The following TMEM132C variants were observed in gnomAD, a reference collection of about 807,000 sequenced individuals.
TMEM132C encodes protein phosphatase 1, regulatory subunit 152.
TMEM132C carries 29 observed loss-of-function variants against 61.4 expected under a neutral mutation model. The observed-to-expected ratio is 0.47, with a 90% confidence interval of 0.35 to 0.64. The LOEUF (loss-of-function observed/expected upper bound fraction) is 0.64, where lower values mean the gene tolerates loss of function less well. Among genes scored for constraint, TMEM132C ranks in the 30% least tolerant of loss-of-function variants. TMEM132C has a pLI of 0.00. For missense variants in TMEM132C, 1,408 were observed against 1,476.9 expected, an observed-to-expected ratio of 0.95 and a Z score of 0.76; for synonymous variants, 656 against 633.1, an observed-to-expected ratio of 1.04 and a Z score of -0.54.
Position 128,267,372 on chromosome 12 carries a change from C to CGGCG in TMEM132C, c.-27_-24dup. Reference sequence around the variant, plus strand: ...GGGCGGGCGCTGCGCTTCGGGCTGGCGGCGGGCTGCGTGAGCGGCCGGGAC... The same window carrying CGGCG: ...GGGCGGGCGCTGCGCTTCGGGCTGGCGGCGGGCGGGCTGCGTGAGCGGCCGGGAC... On this transcript the variant is annotated 5_prime_UTR_variant, in exon 1 of 9. It removes the in-frame stop codon of an upstream open reading frame in the 5' UTR. Coordinates refer to ENST00000435159, the MANE Select transcript of TMEM132C (RefSeq NM_001136103.3). The CGGCG allele has an allele frequency of 9.4e-7, 1 of 1,061,292 alleles. No individual in the cohort carries two copies. The highest frequency in any genetic ancestry group is 1.1e-6 in the Non-Finnish European group (1 of 880,088). 65.7% of individuals were successfully genotyped at this position (1,061,292 alleles called of 1,614,324 possible).
At position 128,705,162 on chromosome 12, in the gene TMEM132C, G is replaced by C; in HGVS notation, c.2194G>C (p.Asp732His). 6.4e-7 allele frequency: 1 copy of C among 1,551,616 alleles called. No homozygotes were observed. Among genetic ancestry groups the C allele is most frequent in the Non-Finnish European group, 8.7e-7 (1 of 1,146,980 alleles). ...GCCCCTGGACATCTACGACACCAAG[G>C]ACTTCTCCCTGGCAGCCACCTCCCA... ...VTPLDIYDTKDFSLAATSQDE... is the reference protein window; with the variant it reads ...VTPLDIYDTKHFSLAATSQDE... Residue 732 changes from aspartate (D) to histidine (H), a missense_variant, in exon 9 of 9, where the codon GAC becomes CAC. Asp to His is a moderately conservative substitution (Grantham distance 81, BLOSUM62 -1). Transcript: ENST00000435159.
chr12:128,510,896 T>C (rs1872544937), intron 2 of TMEM132C, among the ~76,000 whole-genome samples: 1 of 152,226 alleles, frequency 6.6e-6, no homozygotes, highest in African/African-American at 2.4e-5. Flanking sequence ...AGACTGGAGA[T>C]GGCCTGCAAT....
At chr12:128,689,642 T>A (rs1178625090) in intron 5 of TMEM132C, among the ~76,000 whole-genome samples, 1 of 152,076 alleles carries the variant, frequency 6.6e-6, no homozygotes, top group Non-Finnish European at 1.5e-5. Context: ...AGTGGAGACG[T>A]GGAAGAAGCA....
At chr12:128,397,537 A>C (rs957357094) in intron 1 of TMEM132C, among the ~76,000 whole-genome samples, 7 of 152,240 alleles carry the variant, frequency 4.6e-5, no homozygotes, top group East Asian at 1.9e-4. Flanking sequence ...GCAGAGCAAA[A>C]GTGGGTCTGC....
intron 3 of TMEM132C, among the ~76,000 whole-genome samples, chr12:128,589,287 G>T (rs1169270110): frequency 6.6e-6 from 1 of 152,136 alleles, no homozygotes; most frequent in Non-Finnish European, 1.5e-5. Flanking sequence ...CCAGCATGCA[G>T]CCCTGCAAGG....
intron 2 of TMEM132C, among the ~76,000 whole-genome samples, chr12:128,439,600 G>A (rs978156135): frequency 6.6e-6 from 1 of 152,164 alleles, no homozygotes; most frequent in Non-Finnish European, 1.5e-5. Flanking sequence ...GAAAATTTGT[G>A]AAGAAGAACC....
chr12:128,345,988 T>C (rs991511998), intron 1 of TMEM132C, among the ~76,000 whole-genome samples: 5 of 152,208 alleles, frequency 3.3e-5, no homozygotes, highest in Non-Finnish European at 7.3e-5. Flanking sequence ...TGGTATTGCC[T>C]AGGTTGTCTT....
intron 1 of TMEM132C, among the ~76,000 whole-genome samples, chr12:128,316,965 C>A (rs1366911799): frequency 6.6e-6 from 1 of 152,148 alleles, no homozygotes; most frequent in Non-Finnish European, 1.5e-5. Flanking sequence ...ATCCATGTGA[C>A]CTCAATTTTT....
intron 3 of TMEM132C, among the ~76,000 whole-genome samples, chr12:128,577,994 G>A (rs1875181654): frequency 6.6e-6 from 1 of 152,198 alleles, no homozygotes; most frequent in Non-Finnish European, 1.5e-5. Flanking sequence ...AGTTTGTCTT[G>A]TATATTCAAA....
At chr12:128,534,057 G>A (rs1287440830) in intron 2 of TMEM132C, among the ~76,000 whole-genome samples, 1 of 152,122 alleles carries the variant, frequency 6.6e-6, no homozygotes, top group Non-Finnish European at 1.5e-5. Flanking sequence ...TAAGAAGATT[G>A]TAGCTGACCA....
intron 3 of TMEM132C, among the ~76,000 whole-genome samples, chr12:128,590,324 T>G (rs1176239391): frequency 3.3e-5 from 5 of 152,208 alleles, no homozygotes; most frequent in Admixed American, 3.3e-4. Flanking sequence ...TTAACAGAGA[T>G]GTATACTCGA....
chr12:128,294,911 T>C (rs1871354873), intron 1 of TMEM132C, among the ~76,000 whole-genome samples: 1 of 145,676 alleles, frequency 6.9e-6, no homozygotes, highest in Non-Finnish European at 1.5e-5. Flanking sequence ...TCAAATATTT[T>C]AATGCCTCCA....
intron 2 of TMEM132C, among the ~76,000 whole-genome samples, chr12:128,487,516 A>G (rs887964983): frequency 1.3e-5 from 2 of 151,908 alleles, no homozygotes; most frequent in Admixed American, 1.3e-4. Flanking sequence ...ATATGTGCAT[A>G]TATACACAAG....
At position 128,430,894 on chromosome 12, in the gene TMEM132C, C is replaced by G. The variant is rs79409001; in HGVS notation, c.974+15274C>G. 2.1e-3 allele frequency among the ~76,000 whole-genome samples: 319 copies of G among 152,262 alleles called. 3 individuals are homozygous for G. Among genetic ancestry groups the G allele is most frequent in the African/African-American group, 7.2e-3 (300 of 41,534 alleles). ...TCCCTCTCCCTCTCCTTAGGCCTCCCTATTCCCTAAGATGTAACAATATTG... is the reference window on the plus strand; with the variant it reads ...TCCCTCTCCCTCTCCTTAGGCCTCCGTATTCCCTAAGATGTAACAATATTG... On this transcript the variant is annotated intron_variant, in intron 2 of 8. Transcript: ENST00000435159.
intron 3 of TMEM132C, among the ~76,000 whole-genome samples, chr12:128,574,670 A>T (rs1875025753): frequency 6.6e-6 from 1 of 152,154 alleles, no homozygotes; most frequent in Non-Finnish European, 1.5e-5. Context: ...TGTAGACTGG[A>T]TTGTTCCATA....
intron 2 of TMEM132C, among the ~76,000 whole-genome samples, chr12:128,452,034 C>T (rs1257469167): frequency 2.6e-5 from 4 of 151,932 alleles, no homozygotes; most frequent in African/African-American, 4.8e-5. Context: ...AGAAGGAAGT[C>T]GAAATGCAGG....
rs115327889 is a variant in TMEM132C at position 128,408,178 on chromosome 12, G to C, written c.86-6554G>C. Among the ~76,000 whole-genome samples the C allele has an allele frequency of 7.5e-3, 1,140 of 152,248 alleles. 8 individuals carry two copies. Among genetic ancestry groups the C allele is most frequent in the African/African-American group, 0.026 (1,087 of 41,546 alleles). The stretch of plus-strand genomic sequence containing the variant: ...AAGGATAAAGAGTGACCTGTTCAAA[G>C]AATGGAAGAACCCTAAGACAGGAGG... On this transcript the variant is annotated intron_variant, in intron 1 of 8. Transcript: ENST00000435159.
intron 3 of TMEM132C, among the ~76,000 whole-genome samples, chr12:128,585,206 G>T (rs1875498233): frequency 6.6e-6 from 1 of 152,216 alleles, no homozygotes; most frequent in South Asian, 2.1e-4. Flanking sequence ...GTATATTTGG[G>T]GATATTGTTA....
intron 1 of TMEM132C, among the ~76,000 whole-genome samples, chr12:128,281,680 A>G (rs1870901815): frequency 6.6e-6 from 1 of 152,174 alleles, no homozygotes; most frequent in South Asian, 2.1e-4. Flanking sequence ...GGGACATGGC[A>G]AGAGATTGGA....
Sources: gnomAD v4.1 joint callset for allele counts (sites outside exome capture counted in the v4.1 genomes callset) on GRCh38, gnomAD v4.1.1 for gene constraint, MANE v1.5 for transcripts, NCBI Gene and HGNC (gene_info 2026-07-23, HGNC 2026-07-21) for gene names.